Variants in EXOC4 observed in about 807,000 individuals in gnomAD.
EXOC4 encodes the protein SEC8-like 1.
Under a neutral mutation model 107.2 loss-of-function variants are expected in EXOC4, and 71 were observed. The ratio of observed to expected loss-of-function variants is 0.66; its 90% confidence interval spans 0.55 to 0.81. The LOEUF (loss-of-function observed/expected upper bound fraction) is 0.81. Among genes scored for constraint, EXOC4 ranks in the 30% least tolerant of loss-of-function variants. The probability of loss-of-function intolerance (pLI) is 0.00; values close to 1 mark genes in which losing one functional copy is unlikely to be tolerated. For synonymous variants in EXOC4, 456 were observed against 441.2 expected (o/e 1.03, Z -0.42); for missense variants, 1,108 against 1,189.6 (o/e 0.93, Z 1.01).
intron 10 of EXOC4, among the ~76,000 whole-genome samples, chr7:133,675,926 C>G (rs1277607290): frequency 6.6e-6 from 1 of 152,052 alleles, no homozygotes; most frequent in African/African-American, 2.4e-5. Flanking sequence ...TCTTCTCAGG[C>G]AAATTGTTAG....
the EXOC4 span, among the ~76,000 whole-genome samples, chr7:134,072,362 T>G: frequency 6.6e-6 from 1 of 152,154 alleles, no homozygotes; most frequent in Admixed American, 6.5e-5. Context: ...TAATTAAACC[T>G]GGGTGGGGTT....
chr7:133,746,250 A>G (rs1233215652), intron 10 of EXOC4, among the ~76,000 whole-genome samples: 1 of 152,106 alleles, frequency 6.6e-6, no homozygotes, highest in Non-Finnish European at 1.5e-5. Context: ...ATTTTCCCCT[A>G]TTCTGTTTTA....
intron 7 of EXOC4, among the ~76,000 whole-genome samples, chr7:133,421,572 C>T (rs897487400): frequency 3.9e-5 from 6 of 152,114 alleles, no homozygotes; most frequent in Non-Finnish European, 7.4e-5. Context: ...CTGCTGGGGG[C>T]CTGTCTGCTT....
At chr7:133,480,299 A>C (rs1799123464) in intron 9 of EXOC4, 161 bp downstream of exon 9, 1 of 1,457,956 alleles carries the variant, frequency 6.9e-7, no homozygotes, top group South Asian at 1.4e-5. Context: ...TCTGCTGCCA[A>C]GCAGGTAAAA....
chr7:133,584,004 A>G (rs1801338295), intron 9 of EXOC4, among the ~76,000 whole-genome samples: 1 of 152,150 alleles, frequency 6.6e-6, no homozygotes, highest in African/African-American at 2.4e-5. Flanking sequence ...AAGGGTTATA[A>G]AGGACAAGGA....
At chr7:133,920,422 A>G (rs189019697) in intron 13 of EXOC4, among the ~76,000 whole-genome samples, 1 of 152,080 alleles carries the variant, frequency 6.6e-6, no homozygotes, top group African/African-American at 2.4e-5. Flanking sequence ...TGTTTTAATT[A>G]TTTTGTATGG....
rs557947860 is a variant in EXOC4 at position 133,569,329 on chromosome 7, T to C, written c.1418-60716T>C. On this transcript the variant is annotated intron_variant, in intron 9 of 17. Transcript: ENST00000253861. ...GAATTTTCAGTCCTGTAGAGGACTT[T>C]AATGCAAGGGACAACAAATACGTTA... is the stretch of plus-strand genomic sequence containing the variant. Among the ~76,000 whole-genome samples the C allele has an allele frequency of 8.5e-5, 13 of 152,276 alleles. No individual in the cohort carries two copies. In the East Asian group the frequency reaches 1.7e-3, roughly 20 times the overall value.
chr7:134,043,073 T>A (rs769395159), intron 17 of EXOC4, among the ~76,000 whole-genome samples: 42 of 152,224 alleles, frequency 2.8e-4, no homozygotes, highest in Admixed American at 5.9e-4. Context: ...ATGCTGCCCC[T>A]TCCCCCACTG....
chr7:133,374,747 A>T, intron 6 of EXOC4, 81 bp from the exon 7 acceptor site: 1 of 1,121,254 alleles, frequency 8.9e-7, no homozygotes, highest in Non-Finnish European at 1.3e-6. Flanking sequence ...CTTTAGTTTG[A>T]TGTTTTTCTT....
At chr7:133,782,128 G>A (rs375429631) in intron 10 of EXOC4, among the ~76,000 whole-genome samples, 2 of 152,150 alleles carry the variant, frequency 1.3e-5, no homozygotes, top group East Asian at 3.9e-4. Flanking sequence ...TGAAGCTTTT[G>A]TTAAGACCAT....
At position 133,513,898 on chromosome 7, in the gene EXOC4, C is replaced by A. The variant is rs556098456; in HGVS notation, c.1417+33760C>A. Among the ~76,000 whole-genome samples the A allele has an allele frequency of 5.3e-5, 8 of 152,202 alleles. No individual in the cohort carries two copies. The South Asian group carries it at 1.7e-3, about 32-fold the overall frequency. ...TGAGCTGTATCTGCTCTCCAATTTGCCGGACAGTAATTGGACAGAGGAGAA... is the reference window on the plus strand; with the variant it reads ...TGAGCTGTATCTGCTCTCCAATTTGACGGACAGTAATTGGACAGAGGAGAA... On this transcript the variant is annotated intron_variant, in intron 9 of 17. Transcript: ENST00000253861.
Position 133,640,571 on chromosome 7 carries a change from A to T in EXOC4, c.1514+10430A>T, listed in dbSNP as rs1802829432. Among the ~76,000 whole-genome samples the T allele has an allele frequency of 2.0e-5, 3 of 152,188 alleles. 1 individual carries two copies. In the South Asian group the frequency reaches 6.2e-4, roughly 31 times the overall value. On this transcript the variant is annotated intron_variant, in intron 10 of 17. Transcript: ENST00000253861. ...GGGCCAAGGAGGTTCTCAGGGCAGT[A>T]AGAGATCTTGCGGTGGAGCAGTGTC...
At chr7:134,053,212 T>A (rs1795837650) in intron 17 of EXOC4, among the ~76,000 whole-genome samples, 1 of 147,728 alleles carries the variant, frequency 6.8e-6, no homozygotes. Context: ...CACTCCAGCC[T>A]GGACGACAGA....
intron 10 of EXOC4, among the ~76,000 whole-genome samples, chr7:133,778,925 G>A (rs1453388672): frequency 6.6e-6 from 1 of 152,152 alleles, no homozygotes; most frequent in East Asian, 1.9e-4. Flanking sequence ...GGATTTCATG[G>A]TCAGGCTCCA....
chr7:133,461,522 G>A (rs773519536), intron 7 of EXOC4, among the ~76,000 whole-genome samples: 1 of 152,226 alleles, frequency 6.6e-6, no homozygotes, highest in Non-Finnish European at 1.5e-5. Context: ...TTTAGTAACT[G>A]AACTGCTAAT....
At chr7:133,982,797 A>G (rs1794021584) in intron 14 of EXOC4, among the ~76,000 whole-genome samples, 1 of 152,178 alleles carries the variant, frequency 6.6e-6, no homozygotes, top group African/African-American at 2.4e-5. Context: ...AGTCGGAAAT[A>G]TGAACTCAGG....
At chr7:133,333,065 C>T (rs367702975) in intron 5 of EXOC4, among the ~76,000 whole-genome samples, 110 of 152,212 alleles carry the variant, frequency 7.2e-4, no homozygotes, top group Middle Eastern at 3.4e-3. Context: ...AATTATCAGG[C>T]GTTGGCCAAA....
At chr7:134,057,355 G>A (rs1795954264) in intron 17 of EXOC4, among the ~76,000 whole-genome samples, 1 of 145,838 alleles carries the variant, frequency 6.9e-6, no homozygotes, top group Admixed American at 6.8e-5. Flanking sequence ...ACAATCCGTT[G>A]TGAGAAGTGT....
chr7:133,387,180 G>A (rs943765955), intron 7 of EXOC4, among the ~76,000 whole-genome samples: 12 of 152,278 alleles, frequency 7.9e-5, no homozygotes, highest in African/African-American at 2.2e-4. Context: ...AAGTGATACA[G>A]GATTGGTCAT....
Sources: gnomAD v4.1 joint callset for allele counts (sites outside exome capture counted in the v4.1 genomes callset) on GRCh38, gnomAD v4.1.1 for gene constraint, MANE v1.5 for transcripts, NCBI Gene and HGNC (gene_info 2026-07-23, HGNC 2026-07-21) for gene names.